The following SLC48A1 variants were observed in gnomAD, a reference collection of about 807,000 sequenced individuals.
SLC48A1 encodes the protein heme transporter HRG1.
SLC48A1 carries 6 observed loss-of-function variants against 14.8 expected under a neutral mutation model. The ratio of observed to expected loss-of-function variants is 0.41; its 90% CI spans 0.22 to 0.80. The LOEUF (loss-of-function observed/expected upper bound fraction) is 0.80, where lower values mean the gene tolerates loss of function less well. Among genes scored for constraint, SLC48A1 ranks in the 30% least tolerant of loss-of-function variants. The probability of loss-of-function intolerance (pLI) is 0.34; values close to 1 mark genes in which losing one functional copy is unlikely to be tolerated. For synonymous variants in SLC48A1, 89 were observed against 90.0 expected, an observed-to-expected ratio of 0.99 and a Z score of 0.06; for missense variants, 165 against 204.8, an observed-to-expected ratio of 0.81 and a Z score of 1.19.
At chr12:47,761,965 C>A (rs1017934911) in intron 2 of SLC48A1, among the ~76,000 whole-genome samples, 17 of 152,096 alleles carry the variant, frequency 1.1e-4, no homozygotes, top group African/African-American at 4.1e-4. Context: ...TGACTCTGCC[C>A]AGGTGGTTTC....
At chr12:47,764,336 A>G (rs1184279522) in intron 2 of SLC48A1, among the ~76,000 whole-genome samples, 1 of 151,992 alleles carries the variant, frequency 6.6e-6, no homozygotes, top group Admixed American at 6.5e-5. Context: ...ACTACCTCCC[A>G]CCACTCCCCT....
upstream of SLC48A1, chr12:47,772,109 G>C (rs1942639967): frequency 6.5e-6 from 1 of 154,718 alleles, no homozygotes; most frequent in Non-Finnish European, 1.5e-5. Context: ...GTGGTAATTT[G>C]TTACGGCAGC....
chr12:47,759,010 C>G (rs1942271192), intron 1 of SLC48A1: 2 of 990,176 alleles, frequency 2.0e-6, no homozygotes, highest in Non-Finnish European at 1.2e-6. Flanking sequence ...GGAAGGGGGC[C>G]GGCACTGGCA....
At chr12:47,771,478 T>A (rs1017457443), upstream of SLC48A1, 5 of 153,200 alleles carry the variant, frequency 3.3e-5, no homozygotes, top group African/African-American at 1.2e-4. Context: ...CCTATGAATA[T>A]GTCACCTTCC....
chr12:47,757,878 C>G (rs1474978068), upstream of SLC48A1: 2 of 1,555,092 alleles, frequency 1.3e-6, no homozygotes, highest in South Asian at 1.2e-5. Context: ...AGCGCAGCCC[C>G]TGGATGCAGC....
chr12:47,766,469 G>C (rs12815462), intron 2 of SLC48A1, among the ~76,000 whole-genome samples: 2 of 152,006 alleles, frequency 1.3e-5, no homozygotes, highest in South Asian at 2.1e-4. Context: ...TATCCACCCC[G>C]CCCTCCCCAT....
chr12:47,774,853 A>G (rs1233102082), intron 1 of SLC48A1, among the ~76,000 whole-genome samples: 1 of 151,758 alleles, frequency 6.6e-6, no homozygotes, highest in Non-Finnish European at 1.5e-5. Context: ...TCCTTTCCCC[A>G]CTGCACCCCG....
In SLC48A1 at chr12:47,777,528, C is replaced by T. The variant is rs1217039767; in HGVS notation, c.137-1500C>T. On this transcript the variant is annotated intron_variant, in intron 1 of 2. Transcript: ENST00000442218. This position sits in a 1 kb window ranked among gnomAD's most constrained non-coding sequence, Gnocchi z 4.5. ...GGCTTTGGGACACAGCAGTGCCAGG[C>T]TCCTGGTTTCTTGGCTTGGAGTCTC... Among the ~76,000 whole-genome samples, 1 of 152,196 alleles carries T rather than the reference C, an allele frequency of 6.6e-6. No individual in the cohort carries two copies. The highest frequency in any genetic ancestry group is 1.5e-5 in the Non-Finnish European group (1 of 68,028).
At chr12:47,758,600 G>C in exon 1 of SLC48A1, 1 of 1,612,548 alleles carries the variant, frequency 6.2e-7, no homozygotes, top group African/African-American at 1.3e-5. Context: ...CTAGCAAAAG[G>C]CTGGGGGGTC....
intron 2 of SLC48A1, among the ~76,000 whole-genome samples, chr12:47,762,972 A>G (rs942906406): frequency 3.3e-5 from 5 of 152,218 alleles, no homozygotes; most frequent in African/African-American, 1.2e-4. Context: ...CCCAGAGCCT[A>G]TTGGAATTAT....
At chr12:47,768,019 C>T (rs1242561131), upstream of SLC48A1, among the ~76,000 whole-genome samples, 1 of 151,992 alleles carries the variant, frequency 6.6e-6, no homozygotes, top group African/African-American at 2.4e-5. Context: ...ACTCTGTTGC[C>T]CAGGCTGGAG....
upstream of SLC48A1, among the ~76,000 whole-genome samples, chr12:47,757,648 C>T (rs865835501): frequency 2.6e-5 from 4 of 152,252 alleles, no homozygotes; most frequent in South Asian, 4.1e-4. Flanking sequence ...CAAACAGAGA[C>T]ATTTGGGCAG....
At chr12:47,762,832 A>G (rs1393710627) in intron 2 of SLC48A1, among the ~76,000 whole-genome samples, 1 of 152,224 alleles carries the variant, frequency 6.6e-6, no homozygotes, top group Non-Finnish European at 1.5e-5. Flanking sequence ...AGTCCTTACT[A>G]TGCAATGCCA....
At chr12:47,771,442 A>G, upstream of SLC48A1, 2 of 156,654 alleles carry the variant, frequency 1.3e-5, no homozygotes, top group Non-Finnish European at 2.8e-5. Flanking sequence ...ATGGCCCCCA[A>G]AGATGTCCAC....
At chr12:47,773,974 C>T (rs1214251575) in intron 1 of SLC48A1, among the ~76,000 whole-genome samples, 2 of 152,256 alleles carry the variant, frequency 1.3e-5, no homozygotes, top group Admixed American at 6.5e-5. Flanking sequence ...TTCCAGAGGG[C>T]TCCCCCGCAG....
chr12:47,779,102 C>CTGCGCGGCT lies in SLC48A1; in HGVS notation c.213_221dup (p.Leu71_Gly73dup). On this transcript the variant is annotated inframe_insertion, in exon 2 of 3. Coordinates refer to ENST00000442218, the MANE Select transcript of SLC48A1 (RefSeq NM_017842.3). ...TTATTGGAGGACCTGGCTCAAGGGG[C>CTGCGCGGCT]TGCGCGGCTTCTTCTTCGTGGGCGT... 2 of 1,551,848 alleles carry CTGCGCGGCT rather than the reference C, an allele frequency of 1.3e-6. No individual in the cohort carries two copies. The highest frequency in any genetic ancestry group is 1.7e-6 in the Non-Finnish European group (2 of 1,147,030).
chr12:47,758,028 A>G (rs201883256), upstream of SLC48A1: 23 of 1,577,028 alleles, frequency 1.5e-5, no homozygotes, highest in Non-Finnish European at 1.9e-5. Flanking sequence ...GAGCTGGGCT[A>G]TCCTCCACAG....
At chr12:47,758,934 C>A (rs1942267420) in intron 1 of SLC48A1, 1 of 1,035,758 alleles carries the variant, frequency 9.7e-7, no homozygotes, top group Non-Finnish European at 1.2e-6. Context: ...GCCCCCTTCC[C>A]CTCCCCAGGA....
intron 1 of SLC48A1, chr12:47,758,752 G>A: frequency 7.8e-7 from 1 of 1,289,492 alleles, no homozygotes; most frequent in Non-Finnish European, 9.8e-7. Context: ...GCTCCTCTTG[G>A]GTGAGTAGAG....
Sources: allele counts gnomAD v4.1 joint callset (sites outside exome capture counted in the v4.1 genomes callset), GRCh38; gene constraint gnomAD v4.1.1; non-coding constraint Gnocchi (gnomAD v3.1); transcripts MANE v1.5; gene names NCBI Gene and HGNC (gene_info 2026-07-23, HGNC 2026-07-21).